Variants in RNF112 observed in about 807,000 individuals in gnomAD.
RNF112 encodes brain finger protein.
Under a neutral mutation model 64.7 loss-of-function variants are expected in RNF112, and 34 were observed. That is an observed-to-expected ratio of 0.53 (90% CI 0.40 to 0.70). The LOEUF (loss-of-function observed/expected upper bound fraction) is 0.70. Among genes scored for constraint, RNF112 ranks in the 30% least tolerant of loss-of-function variants. The probability of loss-of-function intolerance (pLI) is 0.00; values close to 1 mark genes in which losing one functional copy is unlikely to be tolerated. For missense variants in RNF112, 734 were observed against 850.0 expected, an observed-to-expected ratio of 0.86 and a Z score of 1.70; for synonymous variants, 345 against 344.5, an observed-to-expected ratio of 1.00 and a Z score of -0.02.
Position 19,413,164 on chromosome 17 carries a change from G to A in RNF112, c.588+20G>A, listed in dbSNP as rs1913728871. 2 of 1,606,514 alleles carry A rather than the reference G, an allele frequency of 1.2e-6. No individual in the cohort carries two copies. Among genetic ancestry groups the A allele is most frequent in the Non-Finnish European group, 1.7e-6 (2 of 1,175,910 alleles). Reference sequence around the variant, plus strand: ...GGCCTGGTGAGGGCGGGGCGGGGCAGGAGGGAGGCGGGGAGCAAGGATGGG... The same window carrying A: ...GGCCTGGTGAGGGCGGGGCGGGGCAAGAGGGAGGCGGGGAGCAAGGATGGG... On this transcript the variant is annotated intron_variant, in intron 4 of 13. Transcript: ENST00000461366. The surrounding 1 kb of genome is among the most constrained non-coding windows in gnomAD (Gnocchi z 5.9).
Position 19,416,221 on chromosome 17 carries a change from TGAA to T in RNF112, c.*52_*54del. On this transcript the variant is annotated 3_prime_UTR_variant, in exon 14 of 14. Transcript: ENST00000461366. ...GGACAGGAGAGATGTCAGGTGGGGA[TGAA>T]GAAGAGGGGCAGGTCGGGGGAGGGT... 6.8e-7 allele frequency: 1 copy of T among 1,481,396 alleles called. No individual in the cohort carries two copies. Among genetic ancestry groups the T allele is most frequent in the Non-Finnish European group, 9.1e-7 (1 of 1,102,436 alleles). The allele number at this position is 1,481,396 out of a possible 1,614,324, so 91.8% of individuals were successfully genotyped here. A position where few individuals can be genotyped will look rare whatever the true frequency, so the allele number is the denominator to read the frequency against.
chr17:19,414,907 G>A lies in RNF112; in HGVS notation c.1126+20G>A, dbSNP rs1482294931. ...CTGGTGGTGAGTGTCTCTGAGAGCT[G>A]AACCTCTCTTGCGCTGCTCCCAGCT... On this transcript the variant is annotated intron_variant, in intron 10 of 13. Transcript: ENST00000461366. 1.2e-6 allele frequency: 2 copies of A among 1,610,726 alleles called. No individual in the cohort carries two copies. The highest frequency in any genetic ancestry group is 2.2e-5 in the South Asian group (2 of 90,976).
In RNF112 at chr17:19,415,706, A is replaced by G; in HGVS notation, c.1427A>G (p.Asp476Gly). 6.2e-7 allele frequency: 1 copy of G among 1,606,732 alleles called. No homozygotes were observed. The highest frequency in any genetic ancestry group is 8.5e-7 in the Non-Finnish European group (1 of 1,175,982). ...CTTCTTTTCCCCTCCCTGTCACAGGACGTAGCCACCAAGCGCATATTCTCT... is the reference window on the plus strand; with the variant it reads ...CTTCTTTTCCCCTCCCTGTCACAGGGCGTAGCCACCAAGCGCATATTCTCT... The part of the protein sequence containing the change: ...REFEEYVRQQ[D>G]VATKRIFSAL... The change falls in exon 14 of 14, where the codon GAC becomes GGC. Residue 476 changes from aspartate (D) to glycine (G), a missense_variant and splice_region_variant. Asp to Gly is a moderately conservative substitution (Grantham distance 94, BLOSUM62 -1). Coordinates refer to ENST00000461366, the MANE Select transcript of RNF112 (RefSeq NM_007148.5). The surrounding 1 kb of genome is among the most constrained non-coding windows in gnomAD (Gnocchi z 7.8).
intron 7 of RNF112, 55 bp downstream of exon 7, chr17:19,414,200 C>A: frequency 6.6e-7 from 1 of 1,519,726 alleles, no homozygotes; most frequent in Non-Finnish European, 9.1e-7. Context: ...CCCACTAGGG[C>A]TGGACCCAAA....
intron 10 of RNF112, 39 bp downstream of exon 10, chr17:19,414,926 C>T (rs1175135378): frequency 6.3e-7 from 1 of 1,599,270 alleles, no homozygotes; most frequent in South Asian, 1.1e-5. Flanking sequence ...TTGCGCTGCT[C>T]CCAGCTCCCC....
In RNF112 at chr17:19,413,186, T is replaced by G; in HGVS notation, c.588+42T>G. On this transcript the variant is annotated intron_variant, in intron 4 of 13. Transcript: ENST00000461366. This position sits in a 1 kb window ranked among gnomAD's most constrained non-coding sequence, Gnocchi z 5.9. ...GCAGGAGGGAGGCGGGGAGCAAGGATGGGGGTTCCTGCCTGGGGGAAGCTG... is the reference window on the plus strand; with the variant it reads ...GCAGGAGGGAGGCGGGGAGCAAGGAGGGGGGTTCCTGCCTGGGGGAAGCTG... 1 of 1,596,032 alleles carries G rather than the reference T, an allele frequency of 6.3e-7. No individual in the cohort carries two copies.
chr17:19,414,681 G>A (rs763184280), intron 9 of RNF112, 21 bp downstream of exon 9: 43 of 1,610,708 alleles, frequency 2.7e-5, no homozygotes, highest in South Asian at 9.9e-5. Flanking sequence ...CAAGGGGATG[G>A]GGTGGAGGGG....
intron 8 of RNF112, 34 bp downstream of exon 8, chr17:19,414,539 G>C: frequency 6.2e-7 from 1 of 1,613,958 alleles, no homozygotes; most frequent in Non-Finnish European, 8.5e-7. Flanking sequence ...ATTGGCCCCA[G>C]GCCCCGCCAC....
chr17:19,413,058 C>G lies in RNF112; in HGVS notation c.502C>G (p.Pro168Ala), dbSNP rs80118640. 240 of 1,613,260 alleles carry G rather than the reference C, an allele frequency of 1.5e-4. 2 individuals carry two copies. The highest frequency in any genetic ancestry group is 1.3e-3 in the Middle Eastern group (8 of 6,062). The change falls in exon 4 of 14, where the codon CCA becomes GCA. Residue 168 changes from proline (P) to alanine (A), a missense_variant. Transcript: ENST00000461366. This position sits in a 1 kb window ranked among gnomAD's most constrained non-coding sequence, Gnocchi z 5.9. The stretch of plus-strand genomic sequence containing the variant: ...GAAGCACCCTCTGGCCAGGGACACC[C>G]CAGTCTGCCTCCTCGCTGTCCTGGG... ...CLKHPLARDT[P>A]VCLLAVLGEQ... is the part of the protein sequence containing the mutation.
chr17:19,412,062 A>T lies in RNF112; in HGVS notation c.95+392A>T, dbSNP rs1300021762. On this transcript the variant is annotated intron_variant, in intron 2 of 13. Transcript: ENST00000461366. This position sits in a 1 kb window ranked among gnomAD's most constrained non-coding sequence, Gnocchi z 5.1. The stretch of plus-strand genomic sequence containing the variant: ...GAGGCTCTTCCCAAGCATTTGCACC[A>T]GGCACTGTGCAGACAGCTGCACACG... 6.6e-6 allele frequency among the ~76,000 whole-genome samples: 1 copy of T among 152,136 alleles called. No individual in the cohort carries two copies. The highest frequency in any genetic ancestry group is 1.5e-5 in the Non-Finnish European group (1 of 68,010).
In RNF112 at chr17:19,415,688, T is replaced by TC; in HGVS notation, c.1426-13dup. ...GACTCCTGGTCAGGGCACCTTCTTT[T>TC]CCCCTCCCTGTCACAGGACGTAGCC... On this transcript the variant is annotated splice_polypyrimidine_tract_variant and intron_variant, in intron 13 of 13. Coordinates refer to ENST00000461366, the MANE Select transcript of RNF112 (RefSeq NM_007148.5). This position sits in a 1 kb window ranked among gnomAD's most constrained non-coding sequence, Gnocchi z 7.8. 1 of 1,601,422 alleles carries TC rather than the reference T, an allele frequency of 6.2e-7. No individual in the cohort carries two copies. The highest frequency in any genetic ancestry group is 8.5e-7 in the Non-Finnish European group (1 of 1,172,852).
At chr17:19,414,230 G>C in intron 7 of RNF112, 85 bp downstream of exon 7, 1 of 1,324,930 alleles carries the variant, frequency 7.5e-7, no homozygotes, top group Non-Finnish European at 1.1e-6. Flanking sequence ...TGCCCTCCTG[G>C]TCTGGCCTAG....
chr17:19,416,251 A>G lies in RNF112; in HGVS notation c.*76A>G. On this transcript the variant is annotated 3_prime_UTR_variant, in exon 14 of 14. Transcript: ENST00000461366. Reference sequence around the variant, plus strand: ...AAGAGGGGCAGGTCGGGGGAGGGTGATGCCAGGGATTCCAAGGCACCGCCA... The same window carrying G: ...AAGAGGGGCAGGTCGGGGGAGGGTGGTGCCAGGGATTCCAAGGCACCGCCA... The G allele has an allele frequency of 7.6e-7, 1 of 1,321,938 alleles. No homozygotes were observed. The highest frequency in any genetic ancestry group is 2.4e-5 in the Admixed American group (1 of 40,856). 81.9% of individuals were successfully genotyped at this position (1,321,938 alleles called of 1,614,324 possible).
Position 19,412,859 on chromosome 17 carries a change from C to G in RNF112, c.381+76C>G. 1 of 1,580,602 alleles carries G rather than the reference C, an allele frequency of 6.3e-7. No individual in the cohort carries two copies. Among genetic ancestry groups the G allele is most frequent in the Non-Finnish European group, 8.6e-7 (1 of 1,166,604 alleles). ...GGCCCTATTCTAGAACATCAGGACA[C>G]AGAGCTCCAGGCTGAACACATTCCA... On this transcript the variant is annotated intron_variant, in intron 3 of 13. Transcript: ENST00000461366. This position sits in a 1 kb window ranked among gnomAD's most constrained non-coding sequence, Gnocchi z 5.1.
chr17:19,413,972 C>A lies in RNF112; in HGVS notation c.826-123C>A. ...CCCTGCAGCCTTCGAGGCCCCCATA[C>A]TGGCCTCTCCCATACTCTGAGGCCC... On this transcript the variant is annotated intron_variant, in intron 6 of 13. Transcript: ENST00000461366. The surrounding 1 kb of genome is among the most constrained non-coding windows in gnomAD (Gnocchi z 5.9). 1.3e-6 allele frequency: 1 copy of A among 788,112 alleles called. No individual in the cohort carries two copies. Among genetic ancestry groups the A allele is most frequent in the Non-Finnish European group, 2.1e-6 (1 of 482,544 alleles). The allele number at this position is 788,112 out of a possible 1,614,324, so 48.8% of individuals were successfully genotyped here.
At position 19,412,774 on chromosome 17, in the gene RNF112, T is replaced by A; in HGVS notation, c.372T>A (p.Pro124=). 1 of 1,611,550 alleles carries A rather than the reference T, an allele frequency of 6.2e-7. No individual in the cohort carries two copies. The highest frequency in any genetic ancestry group is 8.5e-7 in the Non-Finnish European group (1 of 1,179,418). Residue 124 remains proline, a synonymous_variant, in exon 3 of 14, where the codon CCT becomes CCA. Coordinates refer to ENST00000461366, the MANE Select transcript of RNF112 (RefSeq NM_007148.5). The surrounding 1 kb of genome is among the most constrained non-coding windows in gnomAD (Gnocchi z 5.1). ...MKLLPQRPLP[P]ALQETCPVRA... The stretch of plus-strand genomic sequence containing the variant: ...TCCTGCCGCAGCGGCCGCTGCCCCC[T>A]GCACTGCAGGTCTGGGGACTGGGCC...
chr17:19,413,752 G>T lies in RNF112; in HGVS notation c.825+71G>T. On this transcript the variant is annotated intron_variant, in intron 6 of 13. Coordinates refer to ENST00000461366, the MANE Select transcript of RNF112 (RefSeq NM_007148.5). The surrounding 1 kb of genome is among the most constrained non-coding windows in gnomAD (Gnocchi z 5.9). Reference sequence around the variant, plus strand: ...CTCCAGCTCAGCTTCCTCAAGGCCAGAGCATCTCACAGGCTTTGGTGTCTG... The same window carrying T: ...CTCCAGCTCAGCTTCCTCAAGGCCATAGCATCTCACAGGCTTTGGTGTCTG... 8.4e-7 allele frequency: 1 copy of T among 1,195,414 alleles called. No individual in the cohort carries two copies. The allele number at this position is 1,195,414 out of a possible 1,614,324, so 74.1% of individuals were successfully genotyped here.
rs1345902589 is a variant in RNF112, at chr17:19,412,191, T to C, written c.96-307T>C. On this transcript the variant is annotated intron_variant, in intron 2 of 13. Coordinates refer to ENST00000461366, the MANE Select transcript of RNF112 (RefSeq NM_007148.5). The surrounding 1 kb of genome is among the most constrained non-coding windows in gnomAD (Gnocchi z 5.1). ...GCCCAGAGAGGGGAAGGAACTTGCT[T>C]GCATTTGCATGGCTGGGATGTGGTG... Among the ~76,000 whole-genome samples the C allele has an allele frequency of 6.6e-6, 1 of 152,154 alleles. No homozygotes were observed. The highest frequency in any genetic ancestry group is 2.4e-5 in the African/African-American group (1 of 41,436).
Position 19,412,925 on chromosome 17 carries a change from TCTC to T in RNF112, c.382-10_382-8del, listed in dbSNP as rs764163386. ...CCTGGATGCTCAGGGGCCCCTCTCT[TCTC>T]CTGGCCCAGGAGACGTGTCCTGTGA... On this transcript the variant is annotated splice_polypyrimidine_tract_variant and intron_variant, in intron 3 of 13. Coordinates refer to ENST00000461366, the MANE Select transcript of RNF112 (RefSeq NM_007148.5). This position sits in a 1 kb window ranked among gnomAD's most constrained non-coding sequence, Gnocchi z 5.1. The T allele has an allele frequency of 6.4e-7, 1 of 1,573,286 alleles. No individual in the cohort carries two copies. Among genetic ancestry groups the T allele is most frequent in the South Asian group, 1.2e-5 (1 of 86,502 alleles).
Sources: gnomAD v4.1 joint callset for allele counts (sites outside exome capture counted in the v4.1 genomes callset) on GRCh38, gnomAD v4.1.1 for gene constraint, Gnocchi (gnomAD v3.1) non-coding constraint, MANE v1.5 for transcripts, NCBI Gene and HGNC (gene_info 2026-07-23, HGNC 2026-07-21) for gene names.